CACNG1: variants seen among roughly 807,000 people sequenced by gnomAD.
CACNG1 encodes calcium voltage-gated channel auxiliary subunit gamma 1.
Under a neutral mutation model 22.0 loss-of-function variants are expected in CACNG1, and 21 were observed. The observed-to-expected ratio is 0.95, with a 90% confidence interval of 0.68 to 1.37. The LOEUF is 1.37. CACNG1 is among the 40% of genes most tolerant of loss of function. The pLI, the probability that CACNG1 is intolerant of heterozygous loss-of-function variation, is 0.00. For synonymous variants in CACNG1, 127 were observed against 129.2 expected (o/e 0.98, Z 0.12); for missense variants, 291 against 308.6 (o/e 0.94, Z 0.43).
At position 67,055,169 on chromosome 17, in the gene CACNG1, G is replaced by C. The variant is rs1333686903; in HGVS notation, c.371G>C (p.Cys124Ser). 6.2e-7 allele frequency: 1 copy of C among 1,614,268 alleles called. No homozygotes were observed. Among genetic ancestry groups the C allele is most frequent in the Non-Finnish European group, 8.5e-7 (1 of 1,180,044 alleles). ...SLGFIILGSLCVLLSLGKKRD... is the reference protein window; with the variant it reads ...SLGFIILGSLSVLLSLGKKRD... Reference sequence around the variant, plus strand: ...GGCTTCATCATCCTGGGCAGCCTCTGTGTCCTCCTGTCCCTCGGGAAGAAG... The same window carrying C: ...GGCTTCATCATCCTGGGCAGCCTCTCTGTCCTCCTGTCCCTCGGGAAGAAG... Residue 124 changes from cysteine (C) to serine (S), a missense_variant, in exon 3 of 4, where the codon TGT (cysteine) becomes TCT (serine). Coordinates refer to ENST00000226021, the MANE Select transcript of CACNG1 (RefSeq NM_000727.4). The surrounding 1 kb of genome is among the most constrained non-coding windows in gnomAD (Gnocchi z 4.5).
At position 67,056,077 on chromosome 17, in the gene CACNG1, C is replaced by T. The variant is rs561976556; in HGVS notation, c.475C>T (p.Arg159Trp). 58 of 1,612,508 alleles carry T rather than the reference C, an allele frequency of 3.6e-5. No individual in the cohort carries two copies. The highest frequency in any genetic ancestry group is 3.5e-4 in the African/African-American group (26 of 74,894). ...LCILVSVEVMRQSVKRMIDSE... is the reference protein window; with the variant it reads ...LCILVSVEVMWQSVKRMIDSE... ...CATCCTCGTCTCGGTGGAGGTCATG[C>T]GGCAGTCGGTGAAGCGCATGATTGA... is the stretch of plus-strand genomic sequence containing the variant. The change falls in exon 4 of 4, where the codon CGG becomes TGG. Residue 159 changes from arginine (R) to tryptophan (W), a missense_variant. By Grantham distance (101) the Arg-to-Trp change is moderately radical. Coordinates refer to ENST00000226021, the MANE Select transcript of CACNG1 (RefSeq NM_000727.4). The surrounding 1 kb of genome is among the most constrained non-coding windows in gnomAD (Gnocchi z 4.3).
intron 1 of CACNG1, among the ~76,000 whole-genome samples, chr17:67,045,634 T>C (rs1232636756): frequency 6.6e-6 from 1 of 151,190 alleles, no homozygotes; most frequent in Non-Finnish European, 1.5e-5. Context: ...GCGATTCTCC[T>C]GCCTCAGCTT....
chr17:67,044,689 G>A lies in CACNG1; in HGVS notation c.29G>A (p.Arg10His), dbSNP rs200166315. The A allele has an allele frequency of 9.1e-5, 146 of 1,608,936 alleles. 1 individual carries two copies. Among genetic ancestry groups the A allele is most frequent in the South Asian group, 3.8e-4 (35 of 91,088 alleles). Residue 10 changes from arginine to histidine, a missense_variant, in exon 1 of 4, where the codon CGC becomes CAC. By Grantham distance (29) the Arg-to-His change is conservative. Coordinates refer to ENST00000226021, the MANE Select transcript of CACNG1 (RefSeq NM_000727.4). The surrounding 1 kb of genome is among the most constrained non-coding windows in gnomAD (Gnocchi z 6.9). MSQTKMLKV[R>H]VTLFCILAGI... Reference sequence around the variant, plus strand: ...TCCCAGACCAAAATGCTGAAGGTCCGCGTGACCCTCTTCTGCATCCTGGCA... The same window carrying A: ...TCCCAGACCAAAATGCTGAAGGTCCACGTGACCCTCTTCTGCATCCTGGCA...
At chr17:67,048,436 A>C (rs951697209) in intron 1 of CACNG1, among the ~76,000 whole-genome samples, 8 of 152,194 alleles carry the variant, frequency 5.3e-5, no homozygotes, top group African/African-American at 9.6e-5. Flanking sequence ...TAGAGACTAC[A>C]GTGAACTATG....
rs528442512 is a variant in CACNG1, at chr17:67,056,034, T to C, written c.443-11T>C. The C allele has an allele frequency of 5.0e-6, 8 of 1,605,202 alleles. No individual in the cohort carries two copies. Among genetic ancestry groups the C allele is most frequent in the African/African-American group, 1.3e-5 (1 of 74,742 alleles). On this transcript the variant is annotated splice_polypyrimidine_tract_variant and intron_variant, in intron 3 of 3. Transcript: ENST00000226021. This position sits in a 1 kb window ranked among gnomAD's most constrained non-coding sequence, Gnocchi z 4.3. ...CCCTCGGTCCCTGAGCATGCCTGGC[T>C]CTGCCCCCAGGTCTCTGCATCCTCG...
chr17:67,052,080 G>A (rs1387835833), intron 1 of CACNG1, among the ~76,000 whole-genome samples: 1 of 152,038 alleles, frequency 6.6e-6, no homozygotes, highest in African/African-American at 2.4e-5. Flanking sequence ...CATAGCATGG[G>A]CCATTTTGAA....
intron 1 of CACNG1, among the ~76,000 whole-genome samples, chr17:67,045,905 T>C (rs2035694264): frequency 6.6e-6 from 1 of 152,186 alleles, no homozygotes; most frequent in South Asian, 2.1e-4. Context: ...AAGCATTTCC[T>C]CACCCTGTAA....
In CACNG1 at chr17:67,054,894, C is replaced by T. The variant is rs2035750901; in HGVS notation, c.305-209C>T. Among the ~76,000 whole-genome samples the T allele has an allele frequency of 6.7e-6, 1 of 148,604 alleles. No individual in the cohort carries two copies. The highest frequency in any genetic ancestry group is 1.5e-5 in the Non-Finnish European group (1 of 67,864). On this transcript the variant is annotated intron_variant, in intron 2 of 3. Transcript: ENST00000226021. This position sits in a 1 kb window ranked among gnomAD's most constrained non-coding sequence, Gnocchi z 4.6. ...CACACACTGACACATATGCATGACA[C>T]ACAATGACACACACAGACACTGACA...
chr17:67,052,171 C>T (rs1430289499), intron 1 of CACNG1, among the ~76,000 whole-genome samples: 3 of 152,040 alleles, frequency 2.0e-5, no homozygotes, highest in Non-Finnish European at 4.4e-5. Context: ...CACCGGATGC[C>T]CAGAGAGAAT....
intron 1 of CACNG1, among the ~76,000 whole-genome samples, chr17:67,051,130 C>T (rs1014213590): frequency 1.3e-5 from 2 of 152,190 alleles, no homozygotes; most frequent in African/African-American, 4.8e-5. Flanking sequence ...CGGTCCCTCT[C>T]CTCTTGACCC....
Position 67,054,199 on chromosome 17 carries a change from T to G in CACNG1, c.304+129T>G. 1.4e-6 allele frequency: 1 copy of G among 736,012 alleles called. No homozygotes were observed. The highest frequency in any genetic ancestry group is 2.7e-5 in the East Asian group (1 of 37,732). The allele number at this position is 736,012 out of a possible 1,614,324, so 45.6% of individuals were successfully genotyped here. A position where few individuals can be genotyped will look rare whatever the true frequency, so the allele number is the denominator to read the frequency against. The stretch of plus-strand genomic sequence containing the variant: ...TGATGAGAAGAAGCCTGTGGTGCAT[T>G]TGAACAACAGCCTTGTCAGCTCCCC... On this transcript the variant is annotated intron_variant, in intron 2 of 3. Coordinates refer to ENST00000226021, the MANE Select transcript of CACNG1 (RefSeq NM_000727.4). This position sits in a 1 kb window ranked among gnomAD's most constrained non-coding sequence, Gnocchi z 4.6.
At chr17:67,050,029 G>A (rs2035719538) in intron 1 of CACNG1, among the ~76,000 whole-genome samples, 7 of 152,236 alleles carry the variant, frequency 4.6e-5, no homozygotes, top group Admixed American at 4.6e-4. Context: ...GAGAGACTAT[G>A]TGTTCTGAAA....
rs2035760323 is a variant in CACNG1, at chr17:67,056,161, G to A, written c.559G>A (p.Ala187Thr). 1.2e-6 allele frequency: 2 copies of A among 1,613,794 alleles called. No individual in the cohort carries two copies. Among genetic ancestry groups the A allele is most frequent in the South Asian group, 2.2e-5 (2 of 91,062 alleles). The part of the protein sequence containing the change: ...YYSWSFACAC[A>T]AFILLFLGGL... ...CTCCTGGTCCTTTGCCTGCGCCTGT[G>A]CCGCCTTCATCCTCCTCTTTCTCGG... The change falls in exon 4 of 4, where the codon GCC becomes ACC. Residue 187 changes from alanine to threonine, a missense_variant. Coordinates refer to ENST00000226021, the MANE Select transcript of CACNG1 (RefSeq NM_000727.4). This position sits in a 1 kb window ranked among gnomAD's most constrained non-coding sequence, Gnocchi z 4.3.
At chr17:67,052,800 A>G (rs1254376883) in intron 1 of CACNG1, among the ~76,000 whole-genome samples, 1 of 151,312 alleles carries the variant, frequency 6.6e-6, no homozygotes, top group Non-Finnish European at 1.5e-5. Context: ...TTTGAGACAG[A>G]GTCCCACTCT....
chr17:67,056,287 A>T lies in CACNG1; in HGVS notation c.*16A>T. On this transcript the variant is annotated 3_prime_UTR_variant, in exon 4 of 4. Transcript: ENST00000226021. This position sits in a 1 kb window ranked among gnomAD's most constrained non-coding sequence, Gnocchi z 4.3. ...CGAGCACTAACCCTCCTGCGGCCCT[A>T]GCGACCCTCAGGCTTCTTCCCCAGG... 1.2e-6 allele frequency: 2 copies of T among 1,608,374 alleles called. No homozygotes were observed. Among genetic ancestry groups the T allele is most frequent in the Non-Finnish European group, 1.7e-6 (2 of 1,175,656 alleles).
intron 1 of CACNG1, among the ~76,000 whole-genome samples, chr17:67,048,129 C>G (rs375172730): frequency 6.6e-6 from 1 of 152,046 alleles, no homozygotes; most frequent in African/African-American, 2.4e-5. Flanking sequence ...GGGAACAAAT[C>G]TTCAAGAAGG....
Position 67,055,447 on chromosome 17 carries a change from C to T in CACNG1, c.442+207C>T, listed in dbSNP as rs72848810. ...TTGGCGGTTTGTCCATTCCTCTCCA[C>T]GACTCAACCCTCAAGGCCCCAAAGA... On this transcript the variant is annotated intron_variant, in intron 3 of 3. Coordinates refer to ENST00000226021, the MANE Select transcript of CACNG1 (RefSeq NM_000727.4). This position sits in a 1 kb window ranked among gnomAD's most constrained non-coding sequence, Gnocchi z 4.5. Among the ~76,000 whole-genome samples, 452 of 152,294 alleles carry T rather than the reference C, an allele frequency of 3.0e-3. 3 individuals are homozygous for T. The highest frequency in any genetic ancestry group is 3.0e-3 in the Non-Finnish European group (205 of 68,026).
chr17:67,047,409 C>T (rs2035703588), intron 1 of CACNG1, among the ~76,000 whole-genome samples: 1 of 152,170 alleles, frequency 6.6e-6, no homozygotes, highest in African/African-American at 2.4e-5. Context: ...TGCCTTATTC[C>T]TGTTTCCCTT....
At position 67,056,676 on chromosome 17, in the gene CACNG1, G is replaced by A. The variant is rs1045955200; in HGVS notation, c.*405G>A. 7 of 202,048 alleles carry A rather than the reference G, an allele frequency of 3.5e-5. No homozygotes were observed. The highest frequency in any genetic ancestry group is 1.0e-4 in the South Asian group (1 of 9,716). The allele number at this position is 202,048 out of a possible 1,614,324, so 12.5% of individuals were successfully genotyped here. A position where few individuals can be genotyped will look rare whatever the true frequency, so the allele number is the denominator to read the frequency against. ...TAAATAGCCAGCCTGTCTCTTTCTCGGTGATAAAACACACCCTCTCTGGTG... is the reference window on the plus strand; with the variant it reads ...TAAATAGCCAGCCTGTCTCTTTCTCAGTGATAAAACACACCCTCTCTGGTG... On this transcript the variant is annotated 3_prime_UTR_variant, in exon 4 of 4. Transcript: ENST00000226021. The surrounding 1 kb of genome is among the most constrained non-coding windows in gnomAD (Gnocchi z 4.3).
Sources: allele counts gnomAD v4.1 joint callset (sites outside exome capture counted in the v4.1 genomes callset), GRCh38; gene constraint gnomAD v4.1.1; non-coding constraint Gnocchi (gnomAD v3.1); transcripts MANE v1.5; gene names NCBI Gene and HGNC (gene_info 2026-07-23, HGNC 2026-07-21).